The following DENND4C variants were observed in gnomAD, a reference collection of about 807,000 sequenced individuals.
DENND4C encodes the protein DENN domain containing 4C, also known as DENN domain-containing protein 4C.
DENND4C carries 108 observed loss-of-function variants against 203.0 expected under a neutral mutation model. That is an observed-to-expected ratio of 0.53 (90% CI 0.46 to 0.62). DENND4C has a LOEUF of 0.62. DENND4C is among the 20% of genes least tolerant of loss of function. The probability of loss-of-function intolerance (pLI) is 0.00; values close to 1 mark genes in which losing one functional copy is unlikely to be tolerated. For synonymous variants in DENND4C, 871 were observed against 792.4 expected (o/e 1.10, Z -1.67); for missense variants, 2,481 against 2,301.2 (o/e 1.08, Z -1.60).
intron 1 of DENND4C, among the ~76,000 whole-genome samples, chr9:19,240,788 G>C (rs1173622079): frequency 2.0e-5 from 3 of 152,078 alleles, no homozygotes; most frequent in African/African-American, 7.2e-5. Context: ...CCAACATGGT[G>C]AAACTGTGTC....
At chr9:19,233,451 A>C (rs1010340505) in intron 1 of DENND4C, among the ~76,000 whole-genome samples, 1 of 152,040 alleles carries the variant, frequency 6.6e-6, no homozygotes, top group African/African-American at 2.4e-5. Flanking sequence ...CAGTTTTATT[A>C]TTTGAAATTT....
intron 1 of DENND4C, among the ~76,000 whole-genome samples, chr9:19,271,899 CAG>C (rs893126399): frequency 5.2e-4 from 76 of 144,984 alleles, no homozygotes; most frequent in African/African-American, 1.9e-3. Context: ...GAAAAGAAAA[CAG>C]AGAAACAACA....
At chr9:19,240,601 G>A (rs1188502925) in intron 1 of DENND4C, among the ~76,000 whole-genome samples, 2 of 151,672 alleles carry the variant, frequency 1.3e-5, no homozygotes, top group Admixed American at 1.3e-4. Flanking sequence ...GGGACACGGA[G>A]GTTGCAGTGA....
At chr9:19,372,011 A>G (rs1444153847) in intron 32 of DENND4C, 26 bp from the exon 33 acceptor site, 2 of 1,599,290 alleles carry the variant, frequency 1.3e-6, no homozygotes, top group Non-Finnish European at 1.7e-6. Context: ...ACAAATTACA[A>G]CTTCATTTTT....
chr9:19,362,822 G>T (rs1009842813), intron 30 of DENND4C, among the ~76,000 whole-genome samples: 8 of 152,154 alleles, frequency 5.3e-5, no homozygotes, highest in African/African-American at 1.9e-4. Flanking sequence ...TTTTTACAAG[G>T]TGTTTAAAGA....
intron 1 of DENND4C, among the ~76,000 whole-genome samples, chr9:19,255,832 A>G (rs1827783251): frequency 6.6e-6 from 1 of 152,242 alleles, no homozygotes; most frequent in Non-Finnish European, 1.5e-5. Flanking sequence ...AAAACCATCA[A>G]GGATGTAGTA....
chr9:19,302,923 C>T (rs1838888281), intron 9 of DENND4C, among the ~76,000 whole-genome samples: 1 of 152,102 alleles, frequency 6.6e-6, no homozygotes. Context: ...GAGTCCTGTT[C>T]TGTTTGTCCT....
At chr9:19,279,091 G>T (rs1270289555) in intron 2 of DENND4C, among the ~76,000 whole-genome samples, 1 of 82,218 alleles carries the variant, frequency 1.2e-5, no homozygotes. Flanking sequence ...AGCACTTTGG[G>T]AGGCCGAGGC....
chr9:19,308,611 C>T (rs937174762), intron 10 of DENND4C, among the ~76,000 whole-genome samples: 6 of 152,140 alleles, frequency 3.9e-5, no homozygotes, highest in African/African-American at 1.4e-4. Context: ...CACATTGTGA[C>T]CTGTCATTCC....
chr9:19,278,028 T>C (rs1833234827), intron 2 of DENND4C, among the ~76,000 whole-genome samples: 1 of 152,000 alleles, frequency 6.6e-6, no homozygotes, highest in Admixed American at 6.6e-5. Context: ...AATTCCTTAA[T>C]ATTATCACAT....
At chr9:19,335,689 C>CT (rs1196626487) in intron 18 of DENND4C, among the ~76,000 whole-genome samples, 1 of 151,944 alleles carries the variant, frequency 6.6e-6, no homozygotes, top group African/African-American at 2.4e-5. Flanking sequence ...ACTGGGTTTC[C>CT]TTTTTTATTT....
intron 30 of DENND4C, among the ~76,000 whole-genome samples, chr9:19,368,065 A>C (rs1828045810): frequency 6.6e-6 from 1 of 152,226 alleles, no homozygotes; most frequent in Non-Finnish European, 1.5e-5. Flanking sequence ...CTTCATGAAT[A>C]TACTAAAAAC....
chr9:19,302,720 T>C (rs1838835831), intron 9 of DENND4C, among the ~76,000 whole-genome samples: 1 of 152,220 alleles, frequency 6.6e-6, no homozygotes, highest in Non-Finnish European at 1.5e-5. Context: ...TGATCTTATT[T>C]TCCACTCCTC....
Position 19,373,170 on chromosome 9 carries a change from A to G in DENND4C, c.*997A>G, listed in dbSNP as rs1563853935. The G allele has an allele frequency of 1.3e-5, 2 of 152,182 alleles. No homozygotes were observed. The highest frequency in any genetic ancestry group is 2.4e-5 in the African/African-American group (1 of 41,436). 9.4% of individuals were successfully genotyped at this position (152,182 alleles called of 1,614,324 possible). ...GCCACTATTAATGGCAAAAACCGCA[A>G]TTATTTTTGTACCAACATAATACAC... is the stretch of plus-strand genomic sequence containing the variant. On this transcript the variant is annotated 3_prime_UTR_variant, in exon 33 of 33. Transcript: ENST00000434457.
At position 19,289,807 on chromosome 9, in the gene DENND4C, T is replaced by G. The variant is rs1364124818; in HGVS notation, c.629-897T>G. The stretch of plus-strand genomic sequence containing the variant: ...TCACACCACTGCACTCCAGCCTGGG[T>G]GACAAAGCAAGATCCTGTCTCAAAA... On this transcript the variant is annotated intron_variant, in intron 4 of 32. Transcript: ENST00000434457. Among the ~76,000 whole-genome samples the G allele has an allele frequency of 1.9e-4, 25 of 128,294 alleles. No homozygotes were observed. In the South Asian group the frequency reaches 4.6e-3, roughly 24 times the overall value. 84.2% of individuals were successfully genotyped at this position (128,294 alleles called of 152,430 possible). A position where few individuals can be genotyped will look rare whatever the true frequency, so the allele number is the denominator to read the frequency against.
At position 19,352,078 on chromosome 9, in the gene DENND4C, G is replaced by T. The variant is rs1476130088; in HGVS notation, c.4501G>T (p.Val1501Phe). ...VGKLHYPTGE[V>F]PFPRGMKGQD... is the part of the protein sequence containing the mutation. ...CGATGTATATTCCTTTGTAGGTGAA[G>T]TTCCATTTCCAAGAGGCATGAAAGG... Residue 1501 changes from valine (V) to phenylalanine (F), a missense_variant, in exon 25 of 33, where the codon GTT becomes TTT. Val to Phe is a conservative substitution (Grantham distance 50). This residue lies in a region of DENND4C where 2,289 missense variants were observed against 2,113.3 expected (regional missense o/e 1.08). Transcript: ENST00000434457. The T allele has an allele frequency of 1.2e-6, 2 of 1,613,478 alleles. No individual in the cohort carries two copies. Among genetic ancestry groups the T allele is most frequent in the Admixed American group, 1.7e-5 (1 of 59,992 alleles).
At chr9:19,238,799 A>G (rs907070794) in intron 1 of DENND4C, among the ~76,000 whole-genome samples, 6 of 148,276 alleles carry the variant, frequency 4.0e-5, no homozygotes, top group Non-Finnish European at 3.0e-5. Context: ...GATTACAGGC[A>G]TGTGCCACCA....
intron 30 of DENND4C, among the ~76,000 whole-genome samples, chr9:19,364,457 C>T (rs928936793): frequency 6.6e-6 from 1 of 152,182 alleles, no homozygotes; most frequent in African/African-American, 2.4e-5. Flanking sequence ...TAACTGTTTA[C>T]ACAAGGATAC....
chr9:19,291,558 A>T (rs1185972287), intron 5 of DENND4C: 1 of 152,188 alleles, frequency 6.6e-6, no homozygotes, highest in African/African-American at 2.4e-5. Context: ...ACAAAAAATT[A>T]GCCAGGCTTG....
Sources: allele counts gnomAD v4.1 joint callset (sites outside exome capture counted in the v4.1 genomes callset), GRCh38; gene constraint gnomAD v4.1.1; regional missense constraint gnomAD v4.1.1; transcripts MANE v1.5; gene names NCBI Gene and HGNC (gene_info 2026-07-23, HGNC 2026-07-21).